The following PNPLA6 variants were observed in gnomAD, a reference collection of about 807,000 sequenced individuals.
PNPLA6 encodes the protein patatin like domain 6, lysophospholipase.
PNPLA6 carries 105 observed loss-of-function variants against 153.7 expected under a neutral mutation model. The observed-to-expected ratio is 0.68, with a 90% CI of 0.58 to 0.80. The LOEUF (loss-of-function observed/expected upper bound fraction) is 0.80. Ranked by LOEUF, PNPLA6 falls within the 30% of genes least tolerant of loss-of-function variation. The probability of loss-of-function intolerance (pLI) is 0.00; values close to 1 mark genes in which losing one functional copy is unlikely to be tolerated. For synonymous variants in PNPLA6, 825 were observed against 822.2 expected (o/e 1.00, Z -0.06); for missense variants, 1,423 against 1,919.3 (o/e 0.74, Z 4.83).
In PNPLA6 at chr19:7,541,728, G is replaced by A; in HGVS notation, c.1168+44G>A. ...CCAGCCGAGCCCAATCTCCCAGGAA[G>A]CCCCGTCTCAGCCGCCAGCCCCTTT... On this transcript the variant is annotated intron_variant, in intron 9 of 31. Coordinates refer to ENST00000600737, the MANE Select transcript of PNPLA6 (RefSeq NM_001166114.2). The surrounding 1 kb of genome is among the most constrained non-coding windows in gnomAD (Gnocchi z 5.2). 2 of 1,543,142 alleles carry A rather than the reference G, an allele frequency of 1.3e-6. No individual in the cohort carries two copies. Among genetic ancestry groups the A allele is most frequent in the Non-Finnish European group, 1.7e-6 (2 of 1,147,078 alleles).
At chr19:7,557,118 G>C in intron 26 of PNPLA6, 50 bp from the exon 27 acceptor site, 1 of 1,378,038 alleles carries the variant, frequency 7.3e-7, no homozygotes, top group Non-Finnish European at 1.0e-6. Flanking sequence ...GGCCTCCGGC[G>C]TGTCTGAGCG....
chr19:7,551,648 C>T (rs1186805673), intron 18 of PNPLA6, among the ~76,000 whole-genome samples: 3 of 152,112 alleles, frequency 2.0e-5, no homozygotes, highest in African/African-American at 7.2e-5. Flanking sequence ...GAAACGAAGT[C>T]CTCGACCCCT....
At position 7,555,317 on chromosome 19, in the gene PNPLA6, G is replaced by T. The variant is rs1328185840; in HGVS notation, c.2886G>T (p.Arg962Ser). ...DRHSDFSRLA[R>S]VLTGNTIALV... is the part of the protein sequence containing the mutation. Reference sequence around the variant, plus strand: ...ACAGCGACTTCTCCCGCTTGGCGAGGGTGCTCACGGGGAACACCATTGCCC... The same window carrying T: ...ACAGCGACTTCTCCCGCTTGGCGAGTGTGCTCACGGGGAACACCATTGCCC... The change falls in exon 23 of 32, where the codon AGG becomes AGT. Residue 962 changes from arginine to serine, a missense_variant. This residue lies in a region of PNPLA6 where 643 missense variants were observed against 835.2 expected (regional missense o/e 0.77). Coordinates refer to ENST00000600737, the MANE Select transcript of PNPLA6 (RefSeq NM_001166114.2). The surrounding 1 kb of genome is among the most constrained non-coding windows in gnomAD (Gnocchi z 6.3). The T allele has an allele frequency of 2.5e-6, 4 of 1,578,472 alleles. No individual in the cohort carries two copies. The highest frequency in any genetic ancestry group is 3.4e-6 in the Non-Finnish European group (4 of 1,161,866).
intron 26 of PNPLA6, 50 bp from the exon 27 acceptor site, chr19:7,557,118 G>T: frequency 7.3e-7 from 1 of 1,378,038 alleles, no homozygotes; most frequent in Non-Finnish European, 1.0e-6. Flanking sequence ...GGCCTCCGGC[G>T]TGTCTGAGCG....
chr19:7,557,533 A>G (rs923772623), intron 27 of PNPLA6: 4 of 534,548 alleles, frequency 7.5e-6, no homozygotes, highest in Middle Eastern at 5.1e-4. Context: ...CTGGAATCCC[A>G]GCACTTTGGG....
rs541798943 is a variant in PNPLA6 at position 7,549,909 on chromosome 19, C to T, written c.1611C>T (p.Asp537=). 5.6e-5 allele frequency: 90 copies of T among 1,613,452 alleles called. No individual in the cohort carries two copies. The East Asian group carries it at 1.9e-3, about 34-fold the overall frequency. The change falls in exon 14 of 32, where the codon GAC becomes GAT. Residue 537 remains aspartate (D), a splice_region_variant and synonymous_variant. Coordinates refer to ENST00000600737, the MANE Select transcript of PNPLA6 (RefSeq NM_001166114.2). ...GTIIARQGDQ[D]VSLHFVLWGC... The stretch of plus-strand genomic sequence containing the variant: ...CATCACATCCCCTGCCCGCACAGGA[C>T]GTGAGCCTGCACTTCGTGCTCTGGG...
chr19:7,554,526 A>G (rs370380721), intron 20 of PNPLA6, 29 bp from the exon 21 acceptor site: 1 of 1,613,608 alleles, frequency 6.2e-7, no homozygotes, highest in African/African-American at 1.3e-5. Flanking sequence ...GGCCAACCCC[A>G]GGATGACGCT....
At position 7,541,941 on chromosome 19, in the gene PNPLA6, A is replaced by T. The variant is rs1471271212; in HGVS notation, c.1169-43A>T. 6.6e-7 allele frequency: 1 copy of T among 1,507,474 alleles called. No individual in the cohort carries two copies. The highest frequency in any genetic ancestry group is 9.2e-7 in the Non-Finnish European group (1 of 1,090,084). 93.4% of individuals were successfully genotyped at this position (1,507,474 alleles called of 1,614,324 possible). ...TATCTCCCAACCTGCTAATCCTCCT[A>T]GTGGCTCTGAGGGGCAGGAGCCTGA... On this transcript the variant is annotated intron_variant, in intron 9 of 31. Transcript: ENST00000600737. The surrounding 1 kb of genome is among the most constrained non-coding windows in gnomAD (Gnocchi z 5.2).
chr19:7,555,840 G>C lies in PNPLA6; in HGVS notation c.3093+77G>C. 2.7e-6 allele frequency: 4 copies of C among 1,497,794 alleles called. No individual in the cohort carries two copies. The highest frequency in any genetic ancestry group is 3.7e-6 in the Non-Finnish European group (4 of 1,085,360). 92.8% of individuals were successfully genotyped at this position (1,497,794 alleles called of 1,614,324 possible). A position where few individuals can be genotyped will look rare whatever the true frequency, so the allele number is the denominator to read the frequency against. On this transcript the variant is annotated intron_variant, in intron 24 of 31. Transcript: ENST00000600737. The surrounding 1 kb of genome is among the most constrained non-coding windows in gnomAD (Gnocchi z 6.3). ...TGGTTCCAACCTAACCTGATCCCAT[G>C]GGGGAGCCTCCGGGGTCAGGGTGAC...
In PNPLA6 at chr19:7,535,920, G is replaced by A. The variant is rs938496866; in HGVS notation, c.132G>A (p.Pro44=). 4.5e-6 allele frequency: 7 copies of A among 1,571,254 alleles called. No homozygotes were observed. The Admixed American group carries it at 5.6e-5, about 13-fold the overall frequency. ...AGRICGAQPV[P]FVPQVLGVMI... is the part of the protein sequence containing the mutation. ...GGATTTGCGGTGCGCAGCCAGTGCC[G>A]TTCGTCCCTCAGGTGCTTGGCGTGA... The change falls in exon 1 of 32, where the codon CCG becomes CCA. Residue 44 remains proline, a synonymous_variant. Coordinates refer to ENST00000600737, the MANE Select transcript of PNPLA6 (RefSeq NM_001166114.2). The surrounding 1 kb of genome is among the most constrained non-coding windows in gnomAD (Gnocchi z 5.0).
chr19:7,541,761 C>T lies in PNPLA6; in HGVS notation c.1168+77C>T. ...TCAGCCGCCAGCCCCTTTTTCAGTT[C>T]TGCATAGAGTCAACCTGACCTTGTC... On this transcript the variant is annotated intron_variant, in intron 9 of 31. Coordinates refer to ENST00000600737, the MANE Select transcript of PNPLA6 (RefSeq NM_001166114.2). The surrounding 1 kb of genome is among the most constrained non-coding windows in gnomAD (Gnocchi z 5.2). The T allele has an allele frequency of 6.8e-7, 1 of 1,470,172 alleles. No homozygotes were observed. Among genetic ancestry groups the T allele is most frequent in the South Asian group, 1.2e-5 (1 of 83,044 alleles). 91.1% of individuals were successfully genotyped at this position (1,470,172 alleles called of 1,614,324 possible). A position where few individuals can be genotyped will look rare whatever the true frequency, so the allele number is the denominator to read the frequency against.
chr19:7,543,899 C>T (rs530889605), intron 13 of PNPLA6, among the ~76,000 whole-genome samples: 133 of 151,716 alleles, frequency 8.8e-4, no homozygotes, highest in African/African-American at 3.0e-3. Flanking sequence ...CTGCAAGCTC[C>T]GCCTCCCGGG....
intron 3 of PNPLA6, among the ~76,000 whole-genome samples, chr19:7,539,478 G>T (rs1442469365): frequency 3.4e-5 from 5 of 148,778 alleles, no homozygotes; most frequent in African/African-American, 1.2e-4. Context: ...GACTCCTGAG[G>T]CAGGGCACAG....
intron 27 of PNPLA6, among the ~76,000 whole-genome samples, chr19:7,558,051 G>A (rs1403533849): frequency 1.3e-5 from 2 of 152,174 alleles, no homozygotes; most frequent in African/African-American, 2.4e-5. Flanking sequence ...ATTTGCCAAC[G>A]CATGCCAGTC....
upstream of PNPLA6, chr19:7,535,274 G>A: frequency 1.7e-6 from 1 of 591,946 alleles, no homozygotes. This position sits in a 1 kb window ranked among gnomAD's most constrained non-coding sequence, Gnocchi z 5.0. Flanking sequence ...CCTACGCGTA[G>A]GCGAAGGGAG....
Position 7,555,280 on chromosome 19 carries a change from G to A in PNPLA6, c.2849G>A (p.Arg950His). 1 of 1,595,618 alleles carries A rather than the reference G, an allele frequency of 6.3e-7. No individual in the cohort carries two copies. The highest frequency in any genetic ancestry group is 8.5e-7 in the Non-Finnish European group (1 of 1,171,154). The change falls in exon 23 of 32, where the codon CGC becomes CAC. Residue 950 changes from arginine (R) to histidine (H), a missense_variant. By Grantham distance (29) the Arg-to-His change is conservative (BLOSUM62 0). This residue lies in a region of PNPLA6 where 643 missense variants were observed against 835.2 expected (regional missense o/e 0.77). Transcript: ENST00000600737. This position sits in a 1 kb window ranked among gnomAD's most constrained non-coding sequence, Gnocchi z 6.3. ...HELYEKVFSRRADRHSDFSRL... is the reference protein window; with the variant it reads ...HELYEKVFSRHADRHSDFSRL... ...CTCTACGAGAAGGTTTTCTCCAGGCGCGCGGACCGGCACAGCGACTTCTCC... is the reference window on the plus strand; with the variant it reads ...CTCTACGAGAAGGTTTTCTCCAGGCACGCGGACCGGCACAGCGACTTCTCC...
chr19:7,555,196 C>T lies in PNPLA6; in HGVS notation c.2818-53C>T. 3.9e-6 allele frequency: 6 copies of T among 1,525,456 alleles called. No homozygotes were observed. In the South Asian group the frequency reaches 7.0e-5, roughly 18 times the overall value. 94.5% of individuals were successfully genotyped at this position (1,525,456 alleles called of 1,614,324 possible). ...GAAGGTCAGGGTACCCCTGGGGGAT[C>T]CGCCGGACCCCGCCCTCATGCTCCT... On this transcript the variant is annotated intron_variant, in intron 22 of 31. Transcript: ENST00000600737. This position sits in a 1 kb window ranked among gnomAD's most constrained non-coding sequence, Gnocchi z 6.3.
upstream of PNPLA6, chr19:7,534,178 T>A: frequency 2.7e-6 from 1 of 364,854 alleles, no homozygotes; most frequent in Non-Finnish European, 5.2e-6. Context: ...GGGCCGTGCC[T>A]GCGGAGCCGG....
At position 7,557,222 on chromosome 19, in the gene PNPLA6, C is replaced by T. The variant is rs748506175; in HGVS notation, c.3335C>T (p.Pro1112Leu). 1.1e-5 allele frequency: 18 copies of T among 1,613,598 alleles called. No homozygotes were observed. Among genetic ancestry groups the T allele is most frequent in the East Asian group, 2.2e-5 (1 of 44,876 alleles). The change falls in exon 27 of 32, where the codon CCG (proline) becomes CTG (leucine). Residue 1112 changes from proline to leucine, a missense_variant. Physicochemically the swap from Pro to Leu is moderately conservative, Grantham distance 98 (BLOSUM62 -3). This residue lies in a region of PNPLA6 where 643 missense variants were observed against 835.2 expected (regional missense o/e 0.77). Coordinates refer to ENST00000600737, the MANE Select transcript of PNPLA6 (RefSeq NM_001166114.2). ...ASMTLSGYLP[P>L]LCDPKDGHLL... ...ATGACGCTGTCGGGCTACCTGCCCC[C>T]GCTGTGCGACCCCAAGGACGGGCAC...
Sources: allele counts gnomAD v4.1 joint callset (sites outside exome capture counted in the v4.1 genomes callset), GRCh38; gene constraint gnomAD v4.1.1; regional missense constraint gnomAD v4.1.1; non-coding constraint Gnocchi (gnomAD v3.1); transcripts MANE v1.5; gene names NCBI Gene and HGNC (gene_info 2026-07-23, HGNC 2026-07-21).